DGCR2: variants seen among roughly 807,000 people sequenced by gnomAD.
DGCR2 encodes DiGeorge syndrome critical region gene 2, also known as integral membrane protein DGCR2/IDD.
In DGCR2, 24 loss-of-function variants were observed where a neutral mutation model predicts 51.6. The observed-to-expected ratio is 0.47, with a 90% confidence interval of 0.34 to 0.65. The LOEUF is 0.65. Among genes scored for constraint, DGCR2 ranks in the 30% least tolerant of loss-of-function variants. DGCR2 has a pLI of 0.01. For missense variants in DGCR2, 765 were observed against 772.1 expected, an observed-to-expected ratio of 0.99 and a Z score of 0.11; for synonymous variants, 340 against 315.4, an observed-to-expected ratio of 1.08 and a Z score of -0.82.
chr22:19,062,719 T>C (rs985126509), intron 5 of DGCR2, among the ~76,000 whole-genome samples: 1 of 151,264 alleles, frequency 6.6e-6, no homozygotes, highest in Non-Finnish European at 1.5e-5. Context: ...CTTTACGTCG[T>C]CTTGGTATTT....
intron 1 of DGCR2, among the ~76,000 whole-genome samples, chr22:19,100,935 T>G (rs1406665253): frequency 1.3e-5 from 2 of 151,276 alleles, no homozygotes; most frequent in Non-Finnish European, 2.9e-5. Context: ...TGAAACCCTG[T>G]ATCTACCAAA....
chr22:19,084,145 G>A (rs906485571), intron 2 of DGCR2, among the ~76,000 whole-genome samples: 14 of 152,152 alleles, frequency 9.2e-5, no homozygotes, highest in East Asian at 1.9e-4. Context: ...CCACCACCCC[G>A]TCTGGGAAGT....
intron 1 of DGCR2, among the ~76,000 whole-genome samples, chr22:19,100,671 A>AT (rs2083191934): frequency 6.6e-6 from 1 of 151,644 alleles, no homozygotes; most frequent in Non-Finnish European, 1.5e-5. Flanking sequence ...GTTTAAAAAA[A>AT]AAAAAAAACC....
chr22:19,084,617 T>C (rs112350819), intron 2 of DGCR2, among the ~76,000 whole-genome samples: 1,929 of 145,174 alleles, frequency 0.013, 24 homozygotes, highest in Non-Finnish European at 0.015. Flanking sequence ...CCGCCCCGTC[T>C]GGGAAGTGAG....
chr22:19,114,816 G>A (rs920586823), intron 1 of DGCR2, among the ~76,000 whole-genome samples: 1 of 152,184 alleles, frequency 6.6e-6, no homozygotes, highest in African/African-American at 2.4e-5. Flanking sequence ...GCAAGGAAGA[G>A]GGCAGGGTCT....
chr22:19,121,133 A>G (rs1229412586), intron 1 of DGCR2, among the ~76,000 whole-genome samples: 3 of 152,266 alleles, frequency 2.0e-5, no homozygotes, highest in Non-Finnish European at 4.4e-5. Flanking sequence ...TCCCACACCC[A>G]GGTCATCAGA....
chr22:19,053,516 GCCCAACTCTC>G (rs1336136442), intron 6 of DGCR2, among the ~76,000 whole-genome samples: 1 of 152,060 alleles, frequency 6.6e-6, no homozygotes, highest in Non-Finnish European at 1.5e-5. Flanking sequence ...CCCAAGCCCA[GCCCAACTCTC>G]GCCCAGATCA....
At chr22:19,108,198 A>G (rs1204265858) in intron 1 of DGCR2, among the ~76,000 whole-genome samples, 2 of 152,150 alleles carry the variant, frequency 1.3e-5, no homozygotes, top group Non-Finnish European at 2.9e-5. Flanking sequence ...AAAAACAGAA[A>G]GCATGACCAT....
intron 1 of DGCR2, among the ~76,000 whole-genome samples, chr22:19,091,594 C>T (rs1397431953): frequency 6.6e-6 from 1 of 152,106 alleles, no homozygotes; most frequent in Non-Finnish European, 1.5e-5. Flanking sequence ...TTTTAATAAC[C>T]CTCTTGATAG....
chr22:19,072,375 C>G (rs113323394), intron 2 of DGCR2, among the ~76,000 whole-genome samples: 6 of 152,134 alleles, frequency 3.9e-5, no homozygotes, highest in African/African-American at 1.4e-4. Context: ...GGGAAGCCCA[C>G]GTGCACAGAA....
chr22:19,040,565 G>A (rs1333257487), intron 9 of DGCR2, among the ~76,000 whole-genome samples: 1 of 152,194 alleles, frequency 6.6e-6, no homozygotes, highest in African/African-American at 2.4e-5. Context: ...TGGGTGGTAG[G>A]CTCCAACTAT....
intron 2 of DGCR2, among the ~76,000 whole-genome samples, chr22:19,083,696 CCTCCCCCTCCCCCTCTCCCT>C (rs2082968575): frequency 8.7e-6 from 1 of 114,308 alleles, no homozygotes; most frequent in Non-Finnish European, 1.8e-5. Context: ...CCCTCTCCCC[CCTCCCCCTCCCCCTCTCCCT>C]CTCCCCACGG....
chr22:19,121,782 T>C (rs966549007), intron 1 of DGCR2: 7 of 182,618 alleles, frequency 3.8e-5, no homozygotes, highest in Non-Finnish European at 7.9e-5. Context: ...GGAGGACGTC[T>C]GTGAAACCAG....
At chr22:19,053,580 G>C (rs1601517849) in intron 6 of DGCR2, among the ~76,000 whole-genome samples, 1 of 152,160 alleles carries the variant, frequency 6.6e-6, no homozygotes. Context: ...GAAAGGCCTA[G>C]TGGAAGTAAA....
At chr22:19,083,467 G>A (rs1194662319) in intron 2 of DGCR2, among the ~76,000 whole-genome samples, 4 of 152,028 alleles carry the variant, frequency 2.6e-5, no homozygotes, top group African/African-American at 4.8e-5. Flanking sequence ...TCGACTTATC[G>A]CATTTCACAT....
In DGCR2 at chr22:19,042,836, G is replaced by A. The variant is rs1467911608; in HGVS notation, c.1007-877C>T. ...AACTCAGGTATCATTTCACAAATGT[G>A]CCTCTGCTGTGGTTGGGCGTGAAGC... On this transcript the variant is annotated intron_variant, in intron 7 of 9. Coordinates refer to ENST00000263196, the MANE Select transcript of DGCR2 (RefSeq NM_005137.3). 2.0e-5 allele frequency among the ~76,000 whole-genome samples: 3 copies of A among 152,170 alleles called. No individual in the cohort carries two copies. In the East Asian group the frequency reaches 5.8e-4, roughly 29 times the overall value.
chr22:19,081,527 A>G (rs2082936519), intron 2 of DGCR2, among the ~76,000 whole-genome samples: 1 of 152,218 alleles, frequency 6.6e-6, no homozygotes. Context: ...GTGAGCACAG[A>G]CATTTGGGTT....
intron 2 of DGCR2, 136 bp downstream of exon 2, chr22:19,089,232 A>G: frequency 1.0e-6 from 1 of 991,652 alleles, no homozygotes; most frequent in Non-Finnish European, 1.4e-6. Flanking sequence ...AGACAGAGAG[A>G]GAGGAAGGGG....
At chr22:19,112,578 G>A (rs2083328735) in intron 1 of DGCR2, among the ~76,000 whole-genome samples, 1 of 143,328 alleles carries the variant, frequency 7.0e-6, no homozygotes, top group Admixed American at 7.0e-5. Context: ...CAAGTAGCTG[G>A]GACTACAGGC....
Sources: gnomAD v4.1 joint callset for allele counts (sites outside exome capture counted in the v4.1 genomes callset) on GRCh38, gnomAD v4.1.1 for gene constraint, MANE v1.5 for transcripts, NCBI Gene and HGNC (gene_info 2026-07-23, HGNC 2026-07-21) for gene names.